Variants in ADCY2 observed in about 807,000 individuals in gnomAD.
ADCY2 encodes the protein adenylate cyclase 2.
A neutral mutation model predicts 125.2 loss-of-function variants in ADCY2; 31 were observed. The observed-to-expected ratio is 0.25, with a 90% CI of 0.19 to 0.33. The LOEUF is 0.33. Among genes scored for constraint, ADCY2 ranks in the 10% least tolerant of loss-of-function variants. The pLI, the probability that ADCY2 is intolerant of heterozygous loss-of-function variation, is 1.00. For synonymous variants in ADCY2, 512 were observed against 548.4 expected, an observed-to-expected ratio of 0.93 and a Z score of 0.93; for missense variants, 904 against 1,418.2, an observed-to-expected ratio of 0.64 and a Z score of 5.82.
intron 3 of ADCY2, among the ~76,000 whole-genome samples, chr5:7,606,326 A>T (rs2126639613): frequency 6.6e-6 from 1 of 152,300 alleles, no homozygotes; most frequent in African/African-American, 2.4e-5. Context: ...AATTTTTTTT[A>T]AAGGGAGAGA....
chr5:7,822,817 T>C (rs374192799), intron 24 of ADCY2, among the ~76,000 whole-genome samples: 1 of 152,200 alleles, frequency 6.6e-6, no homozygotes, highest in East Asian at 1.9e-4. Context: ...TTATGTTACA[T>C]TCTGGAAAAT....
At chr5:7,569,363 G>C (rs541259492) in intron 3 of ADCY2, among the ~76,000 whole-genome samples, 1 of 152,042 alleles carries the variant, frequency 6.6e-6, no homozygotes, top group Non-Finnish European at 1.5e-5. Context: ...CTTGAGGCTT[G>C]AAAAAGACTT....
intron 2 of ADCY2, among the ~76,000 whole-genome samples, chr5:7,487,465 G>A (rs889528986): frequency 9.9e-5 from 15 of 152,142 alleles, no homozygotes; most frequent in African/African-American, 3.6e-4. Context: ...TTAAAAGAAA[G>A]TCTCCTCTTC....
intron 19 of ADCY2, among the ~76,000 whole-genome samples, chr5:7,786,150 G>A (rs1312530573): frequency 6.6e-6 from 1 of 152,100 alleles, no homozygotes; most frequent in Non-Finnish European, 1.5e-5. Context: ...TTTAACACCA[G>A]CTATAAATCA....
At chr5:7,559,707 C>G (rs1056405298) in intron 3 of ADCY2, among the ~76,000 whole-genome samples, 15 of 152,104 alleles carry the variant, frequency 9.9e-5, no homozygotes, top group Non-Finnish European at 2.9e-5. Flanking sequence ...GCTTCTAATG[C>G]TATGTTGAAT....
intron 2 of ADCY2, among the ~76,000 whole-genome samples, chr5:7,470,742 T>G (rs1412981809): frequency 6.6e-6 from 1 of 151,408 alleles, no homozygotes; most frequent in Non-Finnish European, 1.5e-5. Flanking sequence ...AAAGAAAGTA[T>G]AGTCTACCAT....
intron 3 of ADCY2, among the ~76,000 whole-genome samples, chr5:7,582,983 T>C (rs1249915159): frequency 3.3e-5 from 5 of 152,110 alleles, no homozygotes. Flanking sequence ...GTAGAATTAA[T>C]ATGCAAGTGT....
chr5:7,717,059 C>A, intron 11 of ADCY2, 98 bp from the exon 12 acceptor site: 1 of 720,738 alleles, frequency 1.4e-6, no homozygotes, highest in Non-Finnish European at 2.4e-6. Context: ...TCATCTGTAT[C>A]TCATAAGGAT....
intron 3 of ADCY2, among the ~76,000 whole-genome samples, chr5:7,580,352 A>G (rs1240084551): frequency 2.6e-5 from 4 of 152,204 alleles, no homozygotes; most frequent in Non-Finnish European, 5.9e-5. Context: ...AAAAGAAAGT[A>G]CAGTGAACCA....
chr5:7,437,255 C>G (rs188066233), intron 2 of ADCY2, among the ~76,000 whole-genome samples: 5 of 152,214 alleles, frequency 3.3e-5, no homozygotes, highest in African/African-American at 1.2e-4. Context: ...CAAGCTACTA[C>G]AGAGCTATGT....
chr5:7,475,103 C>T (rs1311561330), intron 2 of ADCY2, among the ~76,000 whole-genome samples: 1 of 152,200 alleles, frequency 6.6e-6, no homozygotes, highest in African/African-American at 2.4e-5. Context: ...CATGGGAAGC[C>T]AACATGGAAA....
intron 15 of ADCY2, among the ~76,000 whole-genome samples, chr5:7,756,214 T>G (rs949238458): frequency 2.0e-5 from 3 of 152,204 alleles, no homozygotes; most frequent in Admixed American, 6.5e-5. Context: ...TGGAACTCTG[T>G]GTACTGCTCC....
intron 4 of ADCY2, among the ~76,000 whole-genome samples, chr5:7,680,681 C>CAT (rs1226728247): frequency 6.6e-6 from 1 of 152,150 alleles, no homozygotes; most frequent in Non-Finnish European, 1.5e-5. Flanking sequence ...CAATGCATTA[C>CAT]ATATATAAAG....
intron 7 of ADCY2, among the ~76,000 whole-genome samples, chr5:7,705,386 A>G (rs754627000): frequency 6.6e-6 from 1 of 152,268 alleles, no homozygotes; most frequent in Non-Finnish European, 1.5e-5. Context: ...GTTACAGGAC[A>G]GAGGCAGCAA....
intron 3 of ADCY2, among the ~76,000 whole-genome samples, chr5:7,594,050 A>C (rs113685822): frequency 0.019 from 2,860 of 152,240 alleles, 88 homozygotes; most frequent in African/African-American, 0.065. Context: ...ATAGCTTGGG[A>C]AGTGTGTTAA....
chr5:7,740,119 C>G (rs564479416), intron 14 of ADCY2, among the ~76,000 whole-genome samples: 26 of 151,882 alleles, frequency 1.7e-4, no homozygotes, highest in African/African-American at 5.8e-4. Flanking sequence ...TGTAGGAGAT[C>G]TAGCCGAAAT....
chr5:7,691,681 T>C (rs1017196829), intron 5 of ADCY2: 11 of 152,266 alleles, frequency 7.2e-5, no homozygotes, highest in African/African-American at 2.4e-4. Flanking sequence ...CTTTTGGGGG[T>C]TTGTTCTTTC....
intron 2 of ADCY2, among the ~76,000 whole-genome samples, chr5:7,486,625 G>A (rs996079766): frequency 2.6e-5 from 4 of 152,088 alleles, no homozygotes; most frequent in African/African-American, 9.7e-5. Context: ...GGGGTAGGGT[G>A]CCTGAAGTAT....
At chr5:7,661,181 C>G (rs1339948838) in intron 4 of ADCY2, among the ~76,000 whole-genome samples, 1 of 151,956 alleles carries the variant, frequency 6.6e-6, no homozygotes. Flanking sequence ...TATTTTTGAC[C>G]AGTCATTATA....
Sources: gnomAD v4.1 joint callset for allele counts (sites outside exome capture counted in the v4.1 genomes callset) on GRCh38, gnomAD v4.1.1 for gene constraint, MANE v1.5 for transcripts, NCBI Gene and HGNC (gene_info 2026-07-23, HGNC 2026-07-21) for gene names.